Variants in SAMSN1 observed in about 807,000 individuals in gnomAD.
SAMSN1 encodes the protein SAM domain-containing protein SAMSN-1.
In SAMSN1, 31 loss-of-function variants were observed where a neutral mutation model predicts 42.0. The observed-to-expected ratio is 0.74, with a 90% CI of 0.55 to 1.00. SAMSN1 has a LOEUF of 1.00. Among genes scored for constraint, SAMSN1 ranks in the 50% least tolerant of loss-of-function variants. SAMSN1 has a pLI of 0.00. For synonymous variants in SAMSN1, 178 were observed against 151.9 expected, an observed-to-expected ratio of 1.17 and a Z score of -1.26; for missense variants, 464 against 439.4, an observed-to-expected ratio of 1.06 and a Z score of -0.50.
intron 1 of SAMSN1, among the ~76,000 whole-genome samples, chr21:14,649,261 G>C (rs151335018): frequency 0.091 from 12,610 of 138,714 alleles, 677 homozygotes; most frequent in Admixed American, 0.19. Context: ...ATCATACTCT[G>C]GGGACTGTTG....
In SAMSN1 at chr21:14,485,846, T is replaced by G; in HGVS notation, c.*66A>C. 1.7e-6 allele frequency: 2 copies of G among 1,201,554 alleles called. No homozygotes were observed. The highest frequency in any genetic ancestry group is 2.5e-6 in the Non-Finnish European group (2 of 810,486). The allele number at this position is 1,201,554 out of a possible 1,614,324, so 74.4% of individuals were successfully genotyped here. A position where few individuals can be genotyped will look rare whatever the true frequency, so the allele number is the denominator to read the frequency against. On this transcript the variant is annotated 3_prime_UTR_variant, in exon 8 of 8. Transcript: ENST00000400566. ...ATTTATCTTATCTTCCTCTCCTATT[T>G]GACGTTTTAGCTCAAGAAGAGTTAA...
intron 4 of SAMSN1, among the ~76,000 whole-genome samples, chr21:14,609,875 G>T (rs1814082508): frequency 6.6e-6 from 1 of 152,148 alleles, no homozygotes; most frequent in African/African-American, 2.4e-5. Flanking sequence ...AAATTGTGAA[G>T]ATTTCATAGA....
At chr21:14,490,978 C>T (rs972135054) in intron 7 of SAMSN1, among the ~76,000 whole-genome samples, 1 of 152,206 alleles carries the variant, frequency 6.6e-6, no homozygotes, top group African/African-American at 2.4e-5. Context: ...CCCAACCATA[C>T]ACCATATGGA....
chr21:14,636,149 A>T (rs540817345), intron 2 of SAMSN1, among the ~76,000 whole-genome samples: 1 of 152,322 alleles, frequency 6.6e-6, no homozygotes, highest in South Asian at 2.1e-4. Flanking sequence ...ACATTCCCAA[A>T]GACACCGTTC....
rs573440266 is a variant in SAMSN1 at position 14,616,273 on chromosome 21, T to C, written c.157-257A>G. 4.5e-4 allele frequency among the ~76,000 whole-genome samples: 68 copies of C among 152,098 alleles called. 1 individual carries two copies. The highest frequency in any genetic ancestry group is 8.1e-4 in the Non-Finnish European group (55 of 68,026). On this transcript the variant is annotated intron_variant, in intron 2 of 15. Coordinates refer to the SAMSN1 transcript ENST00000647101. ...TGAGAAAGGTAGGATATTTCCTTTA[T>C]TAACGAGGGCTTATATCTTATTTTA...
At chr21:14,618,693 C>T (rs2205400) in intron 2 of SAMSN1, among the ~76,000 whole-genome samples, 451 of 19,214 alleles carry the variant, frequency 0.023, 2 homozygotes, top group South Asian at 0.068. Context: ...TGTGTGTGTG[C>T]GCGCGCGCGC....
chr21:14,650,509 A>G (rs959338392), intron 1 of SAMSN1, among the ~76,000 whole-genome samples: 1 of 152,086 alleles, frequency 6.6e-6, no homozygotes, highest in Non-Finnish European at 1.5e-5. Context: ...ACAACATACC[A>G]AAACCTATGG....
At chr21:14,555,001 A>G (rs75009641) in intron 2 of SAMSN1, among the ~76,000 whole-genome samples, 2,063 of 152,222 alleles carry the variant, frequency 0.014, 17 homozygotes, top group South Asian at 0.025. Flanking sequence ...TACCCCAAGG[A>G]AACTTTTTCA....
At chr21:14,558,404 G>A (rs181471829) in intron 2 of SAMSN1, among the ~76,000 whole-genome samples, 17 of 152,170 alleles carry the variant, frequency 1.1e-4, no homozygotes, top group African/African-American at 2.2e-4. Context: ...TCAGCTGGGC[G>A]CAGTGGCTCA....
intron 2 of SAMSN1, among the ~76,000 whole-genome samples, chr21:14,626,390 G>A (rs1245999952): frequency 6.6e-6 from 1 of 152,066 alleles, no homozygotes; most frequent in Non-Finnish European, 1.5e-5. Flanking sequence ...TCTGACAAAG[G>A]GCTAATATCC....
intron 1 of SAMSN1, among the ~76,000 whole-genome samples, chr21:14,521,811 C>T (rs902942955): frequency 6.6e-6 from 1 of 151,558 alleles, no homozygotes. Context: ...AACACCATGG[C>T]ACATGTTTAC....
chr21:14,545,904 T>C (rs1239918127), intron 1 of SAMSN1, among the ~76,000 whole-genome samples: 1 of 152,184 alleles, frequency 6.6e-6, no homozygotes, highest in Non-Finnish European at 1.5e-5. Context: ...GATTTTATAA[T>C]AACAAACACT....
At chr21:14,550,855 T>C (rs555327993), upstream of SAMSN1, among the ~76,000 whole-genome samples, 1 of 152,248 alleles carries the variant, frequency 6.6e-6, no homozygotes, top group South Asian at 2.1e-4. Flanking sequence ...GATAATCTAT[T>C]GCATGGAGAT....
intron 5 of SAMSN1, chr21:14,609,365 T>C (rs1182305470): frequency 1.5e-6 from 1 of 648,648 alleles, no homozygotes; most frequent in Non-Finnish European, 2.8e-6. Context: ...GTTTTCCTTT[T>C]TAAGTAGACC....
chr21:14,510,471 G>T lies in SAMSN1; in HGVS notation c.410-10C>A, dbSNP rs772139160. Reference sequence around the variant, plus strand: ...CAGCTTGTTATGCCACCTGATGAAAGCAGAAGTTCACAGTTGTCATGGAAG... The same window carrying T: ...CAGCTTGTTATGCCACCTGATGAAATCAGAAGTTCACAGTTGTCATGGAAG... On this transcript the variant is annotated splice_polypyrimidine_tract_variant and intron_variant, in intron 4 of 7. Transcript: ENST00000400566. 6.2e-7 allele frequency: 1 copy of T among 1,614,026 alleles called. No individual in the cohort carries two copies. Among genetic ancestry groups the T allele is most frequent in the Admixed American group, 1.7e-5 (1 of 60,024 alleles).
chr21:14,546,399 G>C, upstream of SAMSN1: 1 of 1,403,112 alleles, frequency 7.1e-7, no homozygotes. Flanking sequence ...CTTCAGTCAG[G>C]ATATGACTTC....
intron 2 of SAMSN1, among the ~76,000 whole-genome samples, chr21:14,629,560 A>G (rs1203262619): frequency 6.6e-6 from 1 of 152,208 alleles, no homozygotes; most frequent in Non-Finnish European, 1.5e-5. Flanking sequence ...CCTGTCTTCA[A>G]GAAACAACCC....
chr21:14,503,831 C>A (rs983597221), intron 5 of SAMSN1, among the ~76,000 whole-genome samples: 3 of 152,120 alleles, frequency 2.0e-5, no homozygotes, highest in Non-Finnish European at 2.9e-5. Context: ...CACAGATCCC[C>A]TGAAGGAAGT....
intron 2 of SAMSN1, among the ~76,000 whole-genome samples, chr21:14,551,781 C>A (rs560292327): frequency 9.9e-5 from 15 of 152,132 alleles, no homozygotes; most frequent in South Asian, 2.1e-4. Context: ...CAAAAATCTT[C>A]ATGAGCTGGT....
Sources: allele counts gnomAD v4.1 joint callset (sites outside exome capture counted in the v4.1 genomes callset), GRCh38; gene constraint gnomAD v4.1.1; transcripts MANE v1.5; gene names NCBI Gene and HGNC (gene_info 2026-07-23, HGNC 2026-07-21).